The following PRNP variants were observed in gnomAD, a reference collection of about 807,000 sequenced individuals.
PRNP encodes prion protein (Kanno blood group).
A neutral mutation model predicts 21.3 loss-of-function variants in PRNP; 15 were observed. The observed-to-expected ratio is 0.71, with a 90% CI of 0.47 to 1.09. PRNP has a LOEUF of 1.09. PRNP is among the 50% of genes least tolerant of loss of function. The pLI, the probability that PRNP is intolerant of heterozygous loss-of-function variation, is 0.00. For missense variants in PRNP, 285 were observed against 340.9 expected (o/e 0.84, Z 1.29); for synonymous variants, 121 against 123.1 (o/e 0.98, Z 0.11).
chr20:4,693,600 T>C (rs1472101757), intron 1 of PRNP, among the ~76,000 whole-genome samples: 1 of 152,110 alleles, frequency 6.6e-6, no homozygotes, highest in Non-Finnish European at 1.5e-5. Context: ...TCCCTAGTCT[T>C]AGCAGTCCAC....
Position 4,699,934 on chromosome 20 carries a change from A to C in PRNP, c.714A>C (p.Pro238=). 6.2e-7 allele frequency: 1 copy of C among 1,613,674 alleles called. No individual in the cohort carries two copies. The highest frequency in any genetic ancestry group is 8.5e-7 in the Non-Finnish European group (1 of 1,179,852). The stretch of plus-strand genomic sequence containing the variant: ...CGAGCATGGTCCTCTTCTCCTCTCC[A>C]CCTGTGATCCTCCTGATCTCTTTCC... ...RGSSMVLFSS[P]PVILLISFLI... The change falls in exon 2 of 2, where the codon CCA becomes CCC. Residue 238 remains proline, a synonymous_variant. Transcript: ENST00000379440. The surrounding 1 kb of genome is among the most constrained non-coding windows in gnomAD (Gnocchi z 5.8).
intron 1 of PRNP, among the ~76,000 whole-genome samples, chr20:4,691,461 T>C (rs1032019788): frequency 2.0e-5 from 3 of 152,148 alleles, no homozygotes; most frequent in Non-Finnish European, 4.4e-5. Flanking sequence ...TCATTGAGAG[T>C]TTTTATCATG....
In PRNP at chr20:4,699,169, A is replaced by C. The variant is rs1013107124; in HGVS notation, c.-10-42A>C. 3 of 1,606,092 alleles carry C rather than the reference A, an allele frequency of 1.9e-6. No individual in the cohort carries two copies. In the Admixed American group the frequency reaches 5.0e-5, roughly 27 times the overall value. ...ATGCAGGAAACATTTAGTAATTTCA[A>C]CATAAATATGGGACTCTGACGTTCT... is the stretch of plus-strand genomic sequence containing the variant. On this transcript the variant is annotated intron_variant, in intron 1 of 1. Coordinates refer to ENST00000379440, the MANE Select transcript of PRNP (RefSeq NM_000311.5). This position sits in a 1 kb window ranked among gnomAD's most constrained non-coding sequence, Gnocchi z 5.8.
Position 4,701,228 on chromosome 20 carries a change from G to A in PRNP, c.*1246G>A, listed in dbSNP as rs887571573. The A allele has an allele frequency of 1.7e-4, 29 of 167,006 alleles. No homozygotes were observed. Among genetic ancestry groups the A allele is most frequent in the African/African-American group, 6.5e-4 (27 of 41,518 alleles). 10.3% of individuals were successfully genotyped at this position (167,006 alleles called of 1,614,324 possible). A position where few individuals can be genotyped will look rare whatever the true frequency, so the allele number is the denominator to read the frequency against. On this transcript the variant is annotated 3_prime_UTR_variant, in exon 2 of 2. Coordinates refer to ENST00000379440, the MANE Select transcript of PRNP (RefSeq NM_000311.5). This position sits in a 1 kb window ranked among gnomAD's most constrained non-coding sequence, Gnocchi z 4.2. ...ATTACTTTTCTGCAATGTTATTATT[G>A]GCTTGCACTTTGTGAGTATTCTATG... is the stretch of plus-strand genomic sequence containing the variant.
chr20:4,687,952 A>C lies in PRNP; in HGVS notation c.-11+1440A>C, dbSNP rs977126670. On this transcript the variant is annotated intron_variant, in intron 1 of 1. Transcript: ENST00000379440. The stretch of plus-strand genomic sequence containing the variant: ...TCTTAGATTTGTAGAAGAAAGGAAA[A>C]AATCACCAGTGGAAAGGAGCAATTT... Among the ~76,000 whole-genome samples, 35 of 152,344 alleles carry C rather than the reference A, an allele frequency of 2.3e-4. No individual in the cohort carries two copies. In the Middle Eastern group the frequency reaches 0.01, roughly 44 times the overall value.
rs1922411665 is a variant in PRNP, at chr20:4,699,464, G to A, written c.244G>A (p.Gly82Arg). Residue 82 changes from glycine (G) to arginine (R), a missense_variant, in exon 2 of 2, where the codon GGA becomes AGA. Coordinates refer to ENST00000379440, the MANE Select transcript of PRNP (RefSeq NM_000311.5). The surrounding 1 kb of genome is among the most constrained non-coding windows in gnomAD (Gnocchi z 5.8). ...GGGGCAGCCCCATGGTGGTGGCTGGGGACAGCCTCATGGTGGTGGCTGGGG... is the reference window on the plus strand; with the variant it reads ...GGGGCAGCCCCATGGTGGTGGCTGGAGACAGCCTCATGGTGGTGGCTGGGG... ...GWGQPHGGGW[G>R]QPHGGGWGQG... is the part of the protein sequence containing the mutation. 1 of 1,570,740 alleles carries A rather than the reference G, an allele frequency of 6.4e-7. No homozygotes were observed. Among genetic ancestry groups the A allele is most frequent in the Middle Eastern group, 1.8e-4 (1 of 5,664 alleles).
rs1921476309 is a variant in PRNP, at chr20:4,686,874, C to T, written c.-11+362C>T. 6.6e-6 allele frequency: 1 copy of T among 151,600 alleles called. No individual in the cohort carries two copies. The highest frequency in any genetic ancestry group is 6.6e-5 in the Admixed American group (1 of 15,226). 9.4% of individuals were successfully genotyped at this position (151,600 alleles called of 1,614,324 possible). ...CCGGCCCAGCGGGCGATCGCTGGCGCCCAGGGAACTCCGGGAGGGCCGCCA... is the reference window on the plus strand; with the variant it reads ...CCGGCCCAGCGGGCGATCGCTGGCGTCCAGGGAACTCCGGGAGGGCCGCCA... On this transcript the variant is annotated intron_variant, in intron 1 of 1. Transcript: ENST00000379440. The surrounding 1 kb of genome is among the most constrained non-coding windows in gnomAD (Gnocchi z 6.7).
At chr20:4,694,158 T>G (rs1337438059) in intron 1 of PRNP, among the ~76,000 whole-genome samples, 1 of 151,976 alleles carries the variant, frequency 6.6e-6, no homozygotes. Flanking sequence ...TTTTCTCCAT[T>G]TCTTCTATGG....
intron 1 of PRNP, among the ~76,000 whole-genome samples, chr20:4,691,620 T>C (rs371865188): frequency 1.2e-3 from 178 of 152,366 alleles, no homozygotes; most frequent in African/African-American, 4.1e-3. Context: ...TCCCACTGTA[T>C]CATAGTAAAT....
At chr20:4,687,386 C>T (rs1239500127) in intron 1 of PRNP, among the ~76,000 whole-genome samples, 2 of 152,226 alleles carry the variant, frequency 1.3e-5, no homozygotes, top group Non-Finnish European at 2.9e-5. Flanking sequence ...ACATTCCTCC[C>T]AGTCCCCCTG....
chr20:4,694,011 C>A (rs1000896399), intron 1 of PRNP, among the ~76,000 whole-genome samples: 1 of 150,706 alleles, frequency 6.6e-6, no homozygotes, highest in Non-Finnish European at 1.5e-5. Flanking sequence ...ATCACTTGAG[C>A]CCACTGGGTG....
chr20:4,695,656 C>T (rs1241209213), intron 1 of PRNP, among the ~76,000 whole-genome samples: 2 of 152,130 alleles, frequency 1.3e-5, no homozygotes, highest in Non-Finnish European at 2.9e-5. Context: ...ATGATATTTC[C>T]GTCTTTAGGT....
At chr20:4,689,544 G>A (rs527944742) in intron 1 of PRNP, among the ~76,000 whole-genome samples, 2 of 152,256 alleles carry the variant, frequency 1.3e-5, no homozygotes, top group South Asian at 2.1e-4. Flanking sequence ...ACTGAACATG[G>A]CTGTCAACCA....
At chr20:4,689,351 G>A (rs979248293) in intron 1 of PRNP, among the ~76,000 whole-genome samples, 1 of 152,152 alleles carries the variant, frequency 6.6e-6, no homozygotes, top group East Asian at 1.9e-4. Flanking sequence ...GAGGCCACTC[G>A]GGTGCATCTG....
Position 4,699,628 on chromosome 20 carries a change from G to T in PRNP, c.408G>T (p.Arg136Ser), listed in dbSNP as rs146315846. Reference protein sequence around the residue: ...GGYMLGSAMSRPIIHFGSDYE... With the variant: ...GGYMLGSAMSSPIIHFGSDYE... ...ACATGCTGGGAAGTGCCATGAGCAG[G>T]CCCATCATACATTTCGGCAGTGACT... The change falls in exon 2 of 2, where the codon AGG becomes AGT. Residue 136 changes from arginine to serine, a missense_variant. Coordinates refer to ENST00000379440, the MANE Select transcript of PRNP (RefSeq NM_000311.5). This position sits in a 1 kb window ranked among gnomAD's most constrained non-coding sequence, Gnocchi z 5.8. The T allele has an allele frequency of 2.2e-5, 35 of 1,613,982 alleles. No homozygotes were observed. In the Admixed American group the frequency reaches 5.5e-4, roughly 25 times the overall value.
intron 1 of PRNP, among the ~76,000 whole-genome samples, chr20:4,694,524 C>G (rs1922045248): frequency 6.6e-6 from 1 of 152,158 alleles, no homozygotes; most frequent in Non-Finnish European, 1.5e-5. Context: ...TTAAAGCATT[C>G]TCTAAGCCTA....
chr20:4,698,181 A>C (rs1461774637), intron 1 of PRNP, among the ~76,000 whole-genome samples: 1 of 152,148 alleles, frequency 6.6e-6, no homozygotes, highest in African/African-American at 2.4e-5. Context: ...GAGCCTCCAA[A>C]AACCCTAACT....
chr20:4,693,956 A>AAAG (rs1301032040), intron 1 of PRNP, among the ~76,000 whole-genome samples: 1 of 149,932 alleles, frequency 6.7e-6, no homozygotes, highest in Non-Finnish European at 1.5e-5. Context: ...AAAAAAAAAA[A>AAAG]CCAGGCGTGG....
At chr20:4,687,239 C>T (rs907760244) in intron 1 of PRNP, among the ~76,000 whole-genome samples, 7 of 150,038 alleles carry the variant, frequency 4.7e-5, no homozygotes, top group African/African-American at 1.5e-4. Flanking sequence ...GACTGACGGG[C>T]GGGGGCGGGG....
Sources: allele counts gnomAD v4.1 joint callset (sites outside exome capture counted in the v4.1 genomes callset), GRCh38; gene constraint gnomAD v4.1.1; non-coding constraint Gnocchi (gnomAD v3.1); transcripts MANE v1.5; gene names NCBI Gene and HGNC (gene_info 2026-07-23, HGNC 2026-07-21).